Variants in BMPER observed in about 807,000 individuals in gnomAD.
The protein encoded by BMPER is BMP binding endothelial regulator.
In BMPER, 45 loss-of-function variants were observed where a neutral mutation model predicts 87.3. The observed-to-expected ratio is 0.52, with a 90% CI of 0.41 to 0.66. The LOEUF (loss-of-function observed/expected upper bound fraction) is 0.66, where lower values mean the gene tolerates loss of function less well. BMPER is among the 30% of genes least tolerant of loss of function. The pLI, the probability that BMPER is intolerant of heterozygous loss-of-function variation, is 0.00. For missense variants in BMPER, 784 were observed against 867.5 expected, an observed-to-expected ratio of 0.90 and a Z score of 1.21; for synonymous variants, 326 against 316.2, an observed-to-expected ratio of 1.03 and a Z score of -0.33.
chr7:33,943,863 A>T (rs918448542), intron 3 of BMPER, among the ~76,000 whole-genome samples: 4 of 152,030 alleles, frequency 2.6e-5, no homozygotes, highest in Admixed American at 6.5e-5. Context: ...ATTACCAGGG[A>T]TATGTTCCTC....
At chr7:33,914,921 A>C (rs1351543926) in intron 2 of BMPER, among the ~76,000 whole-genome samples, 1 of 152,098 alleles carries the variant, frequency 6.6e-6, no homozygotes, top group Non-Finnish European at 1.5e-5. Flanking sequence ...CAAATAAGGA[A>C]CTTTCTCATC....
At chr7:33,937,499 GGGA>G (rs1784634221) in intron 3 of BMPER, 111 bp downstream of exon 3, 2 of 984,554 alleles carry the variant, frequency 2.0e-6, no homozygotes, top group Admixed American at 2.0e-5. Flanking sequence ...CACATGGGTG[GGGA>G]GGAGAAGTAG....
chr7:34,146,798 A>G (rs978205557), intron 14 of BMPER, among the ~76,000 whole-genome samples: 2 of 152,054 alleles, frequency 1.3e-5, no homozygotes, highest in Non-Finnish European at 2.9e-5. Flanking sequence ...AGCACTGTGG[A>G]AAAAAAAGAA....
chr7:33,931,212 G>T (rs1335049751), intron 2 of BMPER, among the ~76,000 whole-genome samples: 1 of 152,194 alleles, frequency 6.6e-6, no homozygotes, highest in Non-Finnish European at 1.5e-5. Flanking sequence ...ATACTAGTCT[G>T]TTCCTAAAGT....
chr7:34,117,445 C>A (rs1790146438), intron 13 of BMPER, among the ~76,000 whole-genome samples: 1 of 152,150 alleles, frequency 6.6e-6, no homozygotes, highest in African/African-American at 2.4e-5. Flanking sequence ...TCCCAGGCCC[C>A]TTCTGGGTAA....
intron 14 of BMPER, among the ~76,000 whole-genome samples, chr7:34,143,924 G>T (rs1006002161): frequency 1.3e-5 from 2 of 152,178 alleles, no homozygotes; most frequent in African/African-American, 4.8e-5. Flanking sequence ...GCATTGTGCT[G>T]ACACTGGGTA....
chr7:34,046,232 T>C, intron 6 of BMPER, 74 bp from the exon 7 acceptor site: 1 of 1,414,290 alleles, frequency 7.1e-7, no homozygotes, highest in Non-Finnish European at 1.0e-6. Flanking sequence ...TTAGGTTTGT[T>C]CTAGATATCT....
At position 33,943,478 on chromosome 7, in the gene BMPER, A is replaced by G. The variant is rs148241160; in HGVS notation, c.319+6090A>G. Among the ~76,000 whole-genome samples the G allele has an allele frequency of 6.6e-4, 101 of 152,148 alleles. No individual in the cohort carries two copies. The South Asian group carries it at 0.013, about 19-fold the overall frequency. On this transcript the variant is annotated intron_variant, in intron 3 of 14. Coordinates refer to ENST00000649409, the MANE Select transcript of BMPER (RefSeq NM_001365308.1). Reference sequence around the variant, plus strand: ...CACCTCCCTATTGATAGCTGTTTAGATTTTCAGTTTTTGCAAGCTGCAGGG... The same window carrying G: ...CACCTCCCTATTGATAGCTGTTTAGGTTTTCAGTTTTTGCAAGCTGCAGGG...
intron 3 of BMPER, among the ~76,000 whole-genome samples, chr7:33,951,448 G>A (rs1785021985): frequency 6.6e-6 from 1 of 152,128 alleles, no homozygotes; most frequent in African/African-American, 2.4e-5. Flanking sequence ...TCTACCCTAT[G>A]TTGTAGAGCT....
intron 6 of BMPER, among the ~76,000 whole-genome samples, chr7:34,007,648 C>T (rs984870037): frequency 1.3e-5 from 2 of 151,892 alleles, no homozygotes; most frequent in Admixed American, 1.3e-4. Flanking sequence ...TCTTAAATGG[C>T]TGCATGTTAT....
intron 6 of BMPER, among the ~76,000 whole-genome samples, chr7:34,038,742 G>T (rs1217088719): frequency 6.6e-6 from 1 of 152,058 alleles, no homozygotes; most frequent in African/African-American, 2.4e-5. Context: ...AGGGGTCTTT[G>T]TTTGCTATTT....
intron 13 of BMPER, among the ~76,000 whole-genome samples, chr7:34,099,551 G>A (rs17824778): frequency 0.27 from 40,802 of 151,938 alleles, 5,812 homozygotes; most frequent in Middle Eastern, 0.33. Flanking sequence ...TAAATAAACC[G>A]ATTTTATCCG....
Position 34,153,244 on chromosome 7 carries a change from A to C in BMPER, c.2029A>C (p.Ile677Leu). The change falls in exon 15 of 15, where the codon ATC becomes CTC. Residue 677 changes from isoleucine to leucine, a missense_variant. Transcript: ENST00000649409. Reference protein sequence around the residue: ...ANLVLHKGRCIKPVLCPQR With the variant: ...ANLVLHKGRCLKPVLCPQR Reference sequence around the variant, plus strand: ...CTTGGTCCTTCACAAGGGAAGGTGCATCAAGCCAGTCCTTTGTCCCCAGCG... The same window carrying C: ...CTTGGTCCTTCACAAGGGAAGGTGCCTCAAGCCAGTCCTTTGTCCCCAGCG... 1 of 1,614,094 alleles carries C rather than the reference A, an allele frequency of 6.2e-7. No individual in the cohort carries two copies. The highest frequency in any genetic ancestry group is 8.5e-7 in the Non-Finnish European group (1 of 1,179,990).
chr7:34,090,787 A>G (rs2127979021), intron 13 of BMPER, among the ~76,000 whole-genome samples: 1 of 152,330 alleles, frequency 6.6e-6, no homozygotes, highest in African/African-American at 2.4e-5. Flanking sequence ...ATGAATGTGA[A>G]GTGCAGTGAA....
intron 3 of BMPER, among the ~76,000 whole-genome samples, chr7:33,960,347 C>T (rs1442468581): frequency 6.6e-6 from 1 of 152,216 alleles, no homozygotes; most frequent in East Asian, 1.9e-4. Flanking sequence ...TATGTTTATC[C>T]CTTTTGATTA....
At chr7:34,026,219 G>A (rs1787354004) in intron 6 of BMPER, among the ~76,000 whole-genome samples, 2 of 151,944 alleles carry the variant, frequency 1.3e-5, no homozygotes, top group South Asian at 4.2e-4. Context: ...GTGGCTCTGG[G>A]GATCTGGATT....
intron 6 of BMPER, among the ~76,000 whole-genome samples, chr7:34,023,067 ATCT>A (rs1204345618): frequency 6.6e-6 from 1 of 152,060 alleles, no homozygotes; most frequent in Non-Finnish European, 1.5e-5. Flanking sequence ...CTCGAGAAAC[ATCT>A]TCTCATGAAA....
intron 6 of BMPER, among the ~76,000 whole-genome samples, chr7:33,978,242 C>T (rs1286790324): frequency 5.3e-5 from 8 of 152,170 alleles, no homozygotes; most frequent in Non-Finnish European, 1.2e-4. Flanking sequence ...AGCAACAAGG[C>T]GCCATCTTGG....
intron 11 of BMPER, among the ~76,000 whole-genome samples, chr7:34,069,235 A>G (rs368792908): frequency 1.3e-5 from 2 of 152,228 alleles, no homozygotes; most frequent in Admixed American, 1.3e-4. Context: ...AATGAACAAT[A>G]GAAACCCCAA....
Sources: gnomAD v4.1 joint callset for allele counts (sites outside exome capture counted in the v4.1 genomes callset) on GRCh38, gnomAD v4.1.1 for gene constraint, MANE v1.5 for transcripts, NCBI Gene and HGNC (gene_info 2026-07-23, HGNC 2026-07-21) for gene names.